Variants in SALL2 observed in about 807,000 individuals in gnomAD.
SALL2 encodes the protein sal-like protein 2.
Under a neutral mutation model 58.5 loss-of-function variants are expected in SALL2, and 32 were observed. The ratio of observed to expected loss-of-function variants is 0.55; its 90% CI spans 0.41 to 0.74. The LOEUF is 0.74. Among genes scored for constraint, SALL2 ranks in the 30% least tolerant of loss-of-function variants. The pLI, the probability that SALL2 is intolerant of heterozygous loss-of-function variation, is 0.00. For missense variants in SALL2, 1,201 were observed against 1,268.9 expected (o/e 0.95, Z 0.81); for synonymous variants, 516 against 513.6 (o/e 1.00, Z -0.06).
In SALL2 at chr14:21,535,899, C is replaced by G. The variant is rs940823033; in HGVS notation, c.-114+1063G>C. ...TTGCAAAATATATAGATTCCCACAC[C>G]CTGGCTCAGATGTACTCACAATCAG... On this transcript the variant is annotated intron_variant, in intron 1 of 1. Transcript: ENST00000541965. Among the ~76,000 whole-genome samples, 4 of 152,168 alleles carry G rather than the reference C, an allele frequency of 2.6e-5. No individual in the cohort carries two copies. The East Asian group carries it at 7.7e-4, about 29-fold the overall frequency.
upstream of SALL2, among the ~76,000 whole-genome samples, chr14:21,530,489 T>C (rs573649897): frequency 3.2e-4 from 49 of 152,230 alleles, 1 homozygote; most frequent in Admixed American, 1.8e-3. Flanking sequence ...GGTTTCTCCA[T>C]GTGGGTCAGG....
At chr14:21,535,444 T>G (rs915052698) in intron 1 of SALL2, among the ~76,000 whole-genome samples, 9 of 152,208 alleles carry the variant, frequency 5.9e-5, no homozygotes, top group African/African-American at 2.2e-4. Context: ...ACTACAGCAC[T>G]TGCAGGCAGT....
rs117711286 is a variant in SALL2, at chr14:21,536,337, G to C, written c.-114+625C>G. Among the ~76,000 whole-genome samples, 144 of 152,262 alleles carry C rather than the reference G, an allele frequency of 9.5e-4. 1 individual carries two copies. The East Asian group carries it at 0.025, about 27-fold the overall frequency. ...CCCCAAACCAGGCTGCATTCTGACC[G>C]ACCTTAGCTCTCTCCCTCTGGGAGC... On this transcript the variant is annotated intron_variant, in intron 1 of 1. Transcript: ENST00000541965.
chr14:21,522,437 C>G lies in SALL2; in HGVS notation c.*267G>C, dbSNP rs1892075565. ...GGGAAGAAGGGTCACACCAGGGAAG[C>G]TGGAGAGGGTTCCCCTTGAGAAAGC... is the stretch of plus-strand genomic sequence containing the variant. On this transcript the variant is annotated 3_prime_UTR_variant, in exon 2 of 2. Transcript: ENST00000537235. 1.4e-6 allele frequency: 2 copies of G among 1,405,558 alleles called. No individual in the cohort carries two copies. The highest frequency in any genetic ancestry group is 1.8e-6 in the Non-Finnish European group (2 of 1,083,474). The allele number at this position is 1,405,558 out of a possible 1,614,324, so 87.1% of individuals were successfully genotyped here.
At chr14:21,536,793 G>T in intron 1 of SALL2, 1 of 1,488,908 alleles carries the variant, frequency 6.7e-7, no homozygotes, top group Non-Finnish European at 9.4e-7. Flanking sequence ...CCCTTGCCCT[G>T]GCCTGACCCA....
At position 21,522,594 on chromosome 14, in the gene SALL2, T is replaced by A. The variant is rs1594455536; in HGVS notation, c.*110A>T. On this transcript the variant is annotated 3_prime_UTR_variant, in exon 2 of 2. Coordinates refer to ENST00000537235, the MANE Select transcript of SALL2 (RefSeq NM_001364564.1). ...GAAAAGCCACTAGGGACATAACATG[T>A]TAAGAACTTAGAGAAAAAGACAAAA... 2.1e-6 allele frequency: 3 copies of A among 1,451,526 alleles called. No homozygotes were observed. In the East Asian group the frequency reaches 7.2e-5, roughly 35 times the overall value. 89.9% of individuals were successfully genotyped at this position (1,451,526 alleles called of 1,614,324 possible). A position where few individuals can be genotyped will look rare whatever the true frequency, so the allele number is the denominator to read the frequency against.
chr14:21,530,281 C>CTTTTTTTTT (rs34598628), upstream of SALL2, among the ~76,000 whole-genome samples: 6 of 64,822 alleles, frequency 9.3e-5, no homozygotes, highest in South Asian at 6.3e-4. Context: ...TTTTTTCTTT[C>CTTTTTTTTT]TTTTTTTTTT....
At chr14:21,527,107 C>G (rs1287328465), upstream of SALL2, among the ~76,000 whole-genome samples, 1 of 152,198 alleles carries the variant, frequency 6.6e-6, no homozygotes, top group African/African-American at 2.4e-5. Context: ...TCTCCTCTTG[C>G]AACATTCCTC....
chr14:21,523,340 T>C lies in SALL2; in HGVS notation c.2382A>G (p.Ile794Met). The change falls in exon 2 of 2, where the codon ATA (isoleucine) becomes ATG (methionine). Residue 794 changes from isoleucine to methionine, a missense_variant. Ile to Met is a conservative substitution (Grantham distance 10). This residue lies in a region of SALL2 where 675 missense variants were observed against 683.8 expected (regional missense o/e 0.99). Transcript: ENST00000537235. This position sits in a 1 kb window ranked among gnomAD's most constrained non-coding sequence, Gnocchi z 4.4. ...RGSESGGEKA[I>M]SVRGDSEEAS... is the part of the protein sequence containing the mutation. ...CCTCTTCTGAATCACCTCTCACTGA[T>C]ATTGCCTTCTCACCTCCACTCTCTG... 6.2e-7 allele frequency: 1 copy of C among 1,613,716 alleles called. No individual in the cohort carries two copies. The highest frequency in any genetic ancestry group is 8.5e-7 in the Non-Finnish European group (1 of 1,180,038).
At chr14:21,526,432 C>T, upstream of SALL2, 5 of 1,318,216 alleles carry the variant, frequency 3.8e-6, no homozygotes, top group South Asian at 9.1e-5. Flanking sequence ...GAAGGGAGCG[C>T]TAGCGGGGGC....
At position 21,522,426 on chromosome 14, in the gene SALL2, C is replaced by T; in HGVS notation, c.*278G>A. The T allele has an allele frequency of 2.1e-6, 3 of 1,407,050 alleles. No individual in the cohort carries two copies. The highest frequency in any genetic ancestry group is 5.1e-5 in the East Asian group (2 of 39,276). 87.2% of individuals were successfully genotyped at this position (1,407,050 alleles called of 1,614,324 possible). A position where few individuals can be genotyped will look rare whatever the true frequency, so the allele number is the denominator to read the frequency against. ...GAGAGAGGAGGGGGAAGAAGGGTCA[C>T]ACCAGGGAAGCTGGAGAGGGTTCCC... On this transcript the variant is annotated 3_prime_UTR_variant, in exon 2 of 2. Coordinates refer to ENST00000537235, the MANE Select transcript of SALL2 (RefSeq NM_001364564.1).
intron 1 of SALL2, among the ~76,000 whole-genome samples, chr14:21,534,836 A>G (rs1892551179): frequency 6.6e-6 from 1 of 151,948 alleles, no homozygotes; most frequent in South Asian, 2.1e-4. Flanking sequence ...TCACCATAGA[A>G]CCTCTAAATA....
chr14:21,523,396 T>C lies in SALL2; in HGVS notation c.2326A>G (p.Thr776Ala). The change falls in exon 2 of 2, where the codon ACT becomes GCT. Residue 776 changes from threonine (T) to alanine (A), a missense_variant. Physicochemically the swap from Thr to Ala is moderately conservative, Grantham distance 58 (BLOSUM62 0). This residue lies in a region of SALL2 where 675 missense variants were observed against 683.8 expected (regional missense o/e 0.99). Transcript: ENST00000537235. This position sits in a 1 kb window ranked among gnomAD's most constrained non-coding sequence, Gnocchi z 4.4. ...EEDEEEEEDV[T>A]DEDSLAGRGS... is the part of the protein sequence containing the mutation. ...CTCCCTGCCAGGGAATCTTCATCAG[T>C]CACATCTTCCTCTTCTTCCTCATCC... is the stretch of plus-strand genomic sequence containing the variant. The C allele has an allele frequency of 6.2e-7, 1 of 1,613,820 alleles. No homozygotes were observed. Among genetic ancestry groups the C allele is most frequent in the Non-Finnish European group, 8.5e-7 (1 of 1,180,026 alleles).
rs1201781961 is a variant in SALL2, at chr14:21,523,171, C to T, written c.2551G>A (p.Glu851Lys). 1.2e-6 allele frequency: 2 copies of T among 1,614,172 alleles called. No individual in the cohort carries two copies. The highest frequency in any genetic ancestry group is 1.1e-5 in the South Asian group (1 of 91,084). Residue 851 changes from glutamate (E) to lysine (K), a missense_variant, in exon 2 of 2, where the codon GAG (glutamate) becomes AAG (lysine). Physicochemically the swap from Glu to Lys is moderately conservative, Grantham distance 56. Around this residue, in one of 3 missense-constraint regions of SALL2, gnomAD observed 675 missense variants for 683.8 expected, o/e 0.99. Coordinates refer to ENST00000537235, the MANE Select transcript of SALL2 (RefSeq NM_001364564.1). The surrounding 1 kb of genome is among the most constrained non-coding windows in gnomAD (Gnocchi z 4.4). Reference protein sequence around the residue: ...PDSLDQPQPMEQGSSGVLGGK... With the variant: ...PDSLDQPQPMKQGSSGVLGGK... ...CCTAAAACACCACTGCTTCCCTGCTCCATTGGCTGAGGCTGATCCAGGCTG... is the reference window on the plus strand; with the variant it reads ...CCTAAAACACCACTGCTTCCCTGCTTCATTGGCTGAGGCTGATCCAGGCTG...
In SALL2 at chr14:21,523,540, C is replaced by T; in HGVS notation, c.2182G>A (p.Gly728Arg). 3 of 1,614,250 alleles carry T rather than the reference C, an allele frequency of 1.9e-6. No homozygotes were observed. The highest frequency in any genetic ancestry group is 2.5e-6 in the Non-Finnish European group (3 of 1,180,054). ...TCGGAGCCATTCTCCTGAGCAGCTC[C>T]TCCACCTTCAGGGAGTGCAGTACCA... ...NGGTALPEGG[G>R]AAQENGSEQS... Residue 728 changes from glycine (G) to arginine (R), a missense_variant, in exon 2 of 2, where the codon GGA becomes AGA. Gly to Arg is a moderately radical substitution (Grantham distance 125). Coordinates refer to ENST00000537235, the MANE Select transcript of SALL2 (RefSeq NM_001364564.1). The surrounding 1 kb of genome is among the most constrained non-coding windows in gnomAD (Gnocchi z 4.4).
In SALL2 at chr14:21,522,287, G is replaced by A. The variant is rs1227459322; in HGVS notation, c.*417C>T. 3.2e-6 allele frequency: 5 copies of A among 1,540,442 alleles called. 1 individual carries two copies. The South Asian group carries it at 4.7e-5, about 15-fold the overall frequency. Reference sequence around the variant, plus strand: ...CCATACCCACCAGCTGAGCAGAAAGGTCACCCCAGAGGAGTGGCACTGGGC... The same window carrying A: ...CCATACCCACCAGCTGAGCAGAAAGATCACCCCAGAGGAGTGGCACTGGGC... On this transcript the variant is annotated 3_prime_UTR_variant, in exon 2 of 2. Coordinates refer to ENST00000537235, the MANE Select transcript of SALL2 (RefSeq NM_001364564.1).
rs1022596768 is a variant in SALL2 at position 21,535,989 on chromosome 14, G to C, written c.-114+973C>G. On this transcript the variant is annotated intron_variant, in intron 1 of 1. Coordinates refer to the SALL2 transcript ENST00000541965. ...ACTACCAGCCAGCCCTGAGCATTAG[G>C]AAATTGAAGTTTTTGTCCTGATTTT... Among the ~76,000 whole-genome samples the C allele has an allele frequency of 5.3e-5, 8 of 152,108 alleles. 1 individual carries two copies. The highest frequency in any genetic ancestry group is 5.2e-4 in the Admixed American group (8 of 15,266).
chr14:21,528,936 G>A (rs1355552879), upstream of SALL2, among the ~76,000 whole-genome samples: 1 of 152,102 alleles, frequency 6.6e-6, no homozygotes, highest in African/African-American at 2.4e-5. Flanking sequence ...CAAGTCTTCT[G>A]ACAAGAAAAG....
rs771580021 is a variant in SALL2 at position 21,524,087 on chromosome 14, G to T, written c.1635C>A (p.Arg545=). Residue 545 remains arginine (R), a synonymous_variant, in exon 2 of 2, where the codon CGC becomes CGA. Coordinates refer to ENST00000537235, the MANE Select transcript of SALL2 (RefSeq NM_001364564.1). ...AAGTCACCAACTTACTTAGTTGCAT[G>T]CGAGTTGCCGTGCTACTTTCTGCCA... The part of the protein sequence containing the change: ...SGVAESSTAT[R]MQLSKLVTSL... The T allele has an allele frequency of 1.2e-6, 2 of 1,614,008 alleles. No homozygotes were observed. The highest frequency in any genetic ancestry group is 2.7e-5 in the African/African-American group (2 of 74,930).
Sources: allele counts gnomAD v4.1 joint callset (sites outside exome capture counted in the v4.1 genomes callset), GRCh38; gene constraint gnomAD v4.1.1; regional missense constraint gnomAD v4.1.1; non-coding constraint Gnocchi (gnomAD v3.1); transcripts MANE v1.5; gene names NCBI Gene and HGNC (gene_info 2026-07-23, HGNC 2026-07-21).